Variants in MAMLD1 observed in about 807,000 individuals in gnomAD.
MAMLD1 encodes the protein mastermind like domain containing 1.
Under a neutral mutation model 45.0 loss-of-function variants are expected in MAMLD1, and 14 were observed. That is an observed-to-expected ratio of 0.31 (90% CI 0.21 to 0.49). MAMLD1 has a LOEUF of 0.49. Ranked by LOEUF, MAMLD1 falls within the 20% of genes least tolerant of loss-of-function variation. MAMLD1 has a pLI of 0.99. For missense variants in MAMLD1, 543 were observed against 603.6 expected (o/e 0.90, Z 1.05); for synonymous variants, 254 against 247.8 (o/e 1.02, Z -0.24).
chrX:150,385,205 C>T (rs2032865287), intron 1 of MAMLD1, among the ~76,000 whole-genome samples: 1 of 109,725 alleles, frequency 9.1e-6, no homozygotes, highest in African/African-American at 3.3e-5. Context: ...TGGCTTATTT[C>T]CACTTCAGGT....
intron 1 of MAMLD1, among the ~76,000 whole-genome samples, chrX:150,443,442 T>C (rs1299534785): frequency 9.4e-6 from 1 of 106,433 alleles, no homozygotes; most frequent in Non-Finnish European, 1.9e-5. Context: ...AGTTTTAGGG[T>C]ACATGTGCAC....
Position 150,475,532 on chromosome X carries a change from A to G in MAMLD1, c.2040+1730A>G, listed in dbSNP as rs143973622. Among the ~76,000 whole-genome samples, 21 of 112,459 alleles carry G rather than the reference A, an allele frequency of 1.9e-4. No individual in the cohort carries two copies. In the East Asian group the frequency reaches 5.9e-3, roughly 31 times the overall value. On this transcript the variant is annotated intron_variant, in intron 5 of 7. Coordinates refer to ENST00000370401, the MANE Select transcript of MAMLD1 (RefSeq NM_005491.5). ...TTTTGCTTTACCAGTTGAGTGAACT[A>G]TTCAATTTCAATGCACCATTCATGT...
At chrX:150,446,969 G>T (rs981671819) in intron 2 of MAMLD1, among the ~76,000 whole-genome samples, 10 of 112,236 alleles carry the variant, frequency 8.9e-5, no homozygotes, top group Non-Finnish European at 1.9e-4. Context: ...GGATGCAGGG[G>T]TCCTCTTCCC....
intron 1 of MAMLD1, among the ~76,000 whole-genome samples, chrX:150,412,118 C>T (rs1427012181): frequency 3.6e-5 from 4 of 111,486 alleles, no homozygotes; most frequent in Non-Finnish European, 7.5e-5. Flanking sequence ...CATGTGTCAG[C>T]ATGTTGACAA....
intron 2 of MAMLD1, among the ~76,000 whole-genome samples, chrX:150,452,691 C>T (rs1410022634): frequency 3.7e-5 from 4 of 107,010 alleles, no homozygotes; most frequent in African/African-American, 1.4e-4. Flanking sequence ...CACACTGGTG[C>T]GCTGCACCCA....
At chrX:150,503,663 G>GGACT (rs2037635968) in intron 6 of MAMLD1, 146 bp downstream of exon 6, 1 of 483,537 alleles carries the variant, frequency 2.1e-6, no homozygotes, top group African/African-American at 2.3e-5. Context: ...CACCCATGAG[G>GGACT]GACTTCTAGT....
chrX:150,382,328 G>T (rs1208007494), intron 1 of MAMLD1, among the ~76,000 whole-genome samples: 24 of 111,306 alleles, frequency 2.2e-4, no homozygotes, highest in Non-Finnish European at 3.8e-4. Context: ...TCCTTATTCT[G>T]CTCCACTGAT....
intron 5 of MAMLD1, among the ~76,000 whole-genome samples, chrX:150,490,045 C>A (rs1021390369): frequency 1.8e-5 from 2 of 112,128 alleles, no homozygotes; most frequent in Non-Finnish European, 3.8e-5. Flanking sequence ...ACTATGCTCA[C>A]CATGTTCAGT....
intron 1 of MAMLD1, among the ~76,000 whole-genome samples, chrX:150,399,384 G>C (rs1368253369): frequency 8.9e-6 from 1 of 112,097 alleles, no homozygotes; most frequent in Non-Finnish European, 1.9e-5. Context: ...TTCAACACAA[G>C]GACTTGAATT....
chrX:150,366,847 A>G (rs782072378), intron 1 of MAMLD1, among the ~76,000 whole-genome samples: 1 of 111,222 alleles, frequency 9.0e-6, no homozygotes. Context: ...CAGACGAGGC[A>G]GGAAAAAAGA....
At chrX:150,464,073 G>A (rs1011513920) in intron 3 of MAMLD1, among the ~76,000 whole-genome samples, 4 of 112,103 alleles carry the variant, frequency 3.6e-5, no homozygotes, top group Admixed American at 9.4e-5. Context: ...CACACATGGT[G>A]GGCCAAGTAC....
Position 150,512,462 on chromosome X carries a change from A to C in MAMLD1, c.*503A>C. 1 of 1,155,821 alleles carries C rather than the reference A, an allele frequency of 8.7e-7. No homozygotes were observed. Among genetic ancestry groups the C allele is most frequent in the Non-Finnish European group, 1.1e-6 (1 of 872,854 alleles). On this transcript the variant is annotated 3_prime_UTR_variant, in exon 8 of 8. Coordinates refer to ENST00000370401, the MANE Select transcript of MAMLD1 (RefSeq NM_005491.5). ...TGTGACCACAGCAGTTTCGGGGAAA[A>C]CACCCCTCAGCCAAGTGGATAATAG...
chrX:150,380,553 T>C (rs2032553280), intron 1 of MAMLD1, among the ~76,000 whole-genome samples: 1 of 111,896 alleles, frequency 8.9e-6, no homozygotes, highest in South Asian at 3.7e-4. Context: ...TCTTTTCTTT[T>C]ATCATATCCG....
At chrX:150,402,225 G>T (rs1264801941) in intron 1 of MAMLD1, among the ~76,000 whole-genome samples, 5 of 109,878 alleles carry the variant, frequency 4.6e-5, no homozygotes, top group Non-Finnish European at 9.5e-5. Context: ...AAATTTACAA[G>T]AAGAAAACAA....
chrX:150,504,125 G>A (rs2037652703), intron 6 of MAMLD1: 1 of 751,659 alleles, frequency 1.3e-6, no homozygotes, highest in Non-Finnish European at 1.6e-6. Context: ...TGTCCAAGAG[G>A]CCTGTGAGTT....
intron 1 of MAMLD1, among the ~76,000 whole-genome samples, chrX:150,401,201 C>T (rs1171494724): frequency 2.7e-5 from 3 of 110,709 alleles, no homozygotes; most frequent in African/African-American, 6.6e-5. Context: ...GTGTATGTGT[C>T]GAGGAGCAAC....
chrX:150,435,640 C>T (rs184736337), intron 1 of MAMLD1, among the ~76,000 whole-genome samples: 124 of 113,065 alleles, frequency 1.1e-3, no homozygotes, highest in African/African-American at 3.8e-3. Flanking sequence ...ATGAAGACAG[C>T]ATACCATTGG....
At position 150,503,252 on chromosome X, in the gene MAMLD1, A is replaced by G. The variant is rs1332369983; in HGVS notation, c.2041-22A>G. On this transcript the variant is annotated intron_variant, in intron 5 of 7. Transcript: ENST00000370401. ...CATTTTGTGGCCAAGCAGCTGATGG[A>G]TTGTTCAATCGGTTGTTGTAGACTC... 6.7e-6 allele frequency: 8 copies of G among 1,197,460 alleles called. No individual in the cohort carries two copies. The African/African-American group carries it at 1.2e-4, about 18-fold the overall frequency.
intron 1 of MAMLD1, among the ~76,000 whole-genome samples, chrX:150,442,339 T>C (rs1421079154): frequency 1.8e-5 from 2 of 111,691 alleles, no homozygotes; most frequent in Non-Finnish European, 3.8e-5. Context: ...TTTCTGTTTG[T>C]TCTCTGGTTT....
Sources: gnomAD v4.1 joint callset for allele counts (sites outside exome capture counted in the v4.1 genomes callset) on GRCh38, gnomAD v4.1.1 for gene constraint, MANE v1.5 for transcripts, NCBI Gene and HGNC (gene_info 2026-07-23, HGNC 2026-07-21) for gene names.